DSC1: variants seen among roughly 807,000 people sequenced by gnomAD.
DSC1 encodes the protein desmocollin-1.
Under a neutral mutation model 98.8 loss-of-function variants are expected in DSC1, and 79 were observed. The observed-to-expected ratio is 0.80, with a 90% confidence interval of 0.67 to 0.96. The LOEUF (loss-of-function observed/expected upper bound fraction) is 0.96, where lower values mean the gene tolerates loss of function less well. Among genes scored for constraint, DSC1 ranks in the 50% least tolerant of loss-of-function variants. The pLI, the probability that DSC1 is intolerant of heterozygous loss-of-function variation, is 0.00. For missense variants in DSC1, 1,115 were observed against 1,075.9 expected (o/e 1.04, Z -0.51); for synonymous variants, 405 against 372.1 (o/e 1.09, Z -1.02).
chr18:31,158,059 G>A (rs569469102), intron 2 of DSC1, among the ~76,000 whole-genome samples: 5 of 152,216 alleles, frequency 3.3e-5, no homozygotes, highest in African/African-American at 7.2e-5. Context: ...ACAAGGTCGG[G>A]AGTTCTAGAT....
intron 14 of DSC1, 37 bp downstream of exon 14, chr18:31,132,530 TC>T: frequency 6.2e-7 from 1 of 1,608,304 alleles, no homozygotes; most frequent in Non-Finnish European, 8.5e-7. Context: ...CATCATTTGT[TC>T]ACCGTACAAT....
chr18:31,146,517 T>G (rs1469311868), intron 6 of DSC1, among the ~76,000 whole-genome samples: 2 of 152,238 alleles, frequency 1.3e-5, no homozygotes, highest in Non-Finnish European at 2.9e-5. Flanking sequence ...ATTTCATGTC[T>G]TTGCTATTGT....
chr18:31,145,711 T>G lies in DSC1; in HGVS notation c.839A>C (p.Lys280Thr). ...TGGGATTTGTTGTAAGATTTTATAT[T>G]TCAGACGAGTATGGAGAGTGTCAGG... The part of the protein sequence containing the change: ...DEPDTLHTRL[K>T]YKILQQIPDH... Residue 280 changes from lysine (K) to threonine (T), a missense_variant, in exon 7 of 16, where the codon AAA becomes ACA. Physicochemically the swap from Lys to Thr is moderately conservative, Grantham distance 78. Transcript: ENST00000257198. 1 of 1,614,206 alleles carries G rather than the reference T, an allele frequency of 6.2e-7. No individual in the cohort carries two copies. Among genetic ancestry groups the G allele is most frequent in the African/African-American group, 1.3e-5 (1 of 75,062 alleles).
chr18:31,153,954 A>T (rs1989046453), intron 5 of DSC1, among the ~76,000 whole-genome samples: 8 of 152,164 alleles, frequency 5.3e-5, no homozygotes. Flanking sequence ...GATAAGTTTC[A>T]TTTTTATATT....
intron 9 of DSC1, among the ~76,000 whole-genome samples, chr18:31,140,822 G>A (rs1025869297): frequency 1.3e-5 from 2 of 152,188 alleles, no homozygotes; most frequent in Non-Finnish European, 2.9e-5. Flanking sequence ...TGATATGGTT[G>A]GCTATGTCCC....
intron 1 of DSC1, among the ~76,000 whole-genome samples, chr18:31,160,060 C>T (rs1456655228): frequency 9.2e-5 from 14 of 152,164 alleles, no homozygotes; most frequent in East Asian, 5.8e-4. Context: ...TTGGCCAAAA[C>T]GCCAAAATCT....
chr18:31,130,674 T>C lies in DSC1; in HGVS notation c.2525A>G (p.His842Arg), dbSNP rs201404121. 1.9e-6 allele frequency: 3 copies of C among 1,614,186 alleles called. No homozygotes were observed. Among genetic ancestry groups the C allele is most frequent in the African/African-American group, 2.7e-5 (2 of 75,052 alleles). Reference sequence around the variant, plus strand: ...ATACGAACAAACGTAGTCTTCACAATGTTTATGCTCCTCATCTTGTCCACA... The same window carrying C: ...ATACGAACAAACGTAGTCTTCACAACGTTTATGCTCCTCATCTTGTCCACA... ...YLCGQDEEHK[H>R]CEDYVCSYNY... Residue 842 changes from histidine to arginine, a missense_variant, in exon 16 of 16, where the codon CAT (histidine) becomes CGT (arginine). His to Arg is a conservative substitution (Grantham distance 29). Coordinates refer to ENST00000257198, the MANE Select transcript of DSC1 (RefSeq NM_024421.2).
intron 5 of DSC1, among the ~76,000 whole-genome samples, chr18:31,152,940 G>A (rs918324872): frequency 2.6e-5 from 4 of 151,686 alleles, no homozygotes; most frequent in Non-Finnish European, 5.9e-5. Flanking sequence ...TTACTAATTT[G>A]CAAGTGGTGT....
intron 2 of DSC1, 145 bp downstream of exon 2, chr18:31,159,300 G>A (rs1989165005): frequency 1.1e-5 from 7 of 634,192 alleles, no homozygotes; most frequent in East Asian, 6.9e-5. Context: ...TGATCCACCC[G>A]CCTCGGCCTC....
chr18:31,136,667 A>G (rs1472629805), intron 11 of DSC1, among the ~76,000 whole-genome samples: 1 of 152,184 alleles, frequency 6.6e-6, no homozygotes, highest in South Asian at 2.1e-4. Context: ...CACTAACACC[A>G]ATGATAGCTG....
At chr18:31,139,137 T>G (rs1261639051) in intron 11 of DSC1, among the ~76,000 whole-genome samples, 1 of 152,070 alleles carries the variant, frequency 6.6e-6, no homozygotes, top group Non-Finnish European at 1.5e-5. Flanking sequence ...GATAGAAATT[T>G]GTATGTTCAA....
intron 5 of DSC1, among the ~76,000 whole-genome samples, chr18:31,152,469 C>T (rs765772465): frequency 1.3e-5 from 2 of 152,100 alleles, no homozygotes; most frequent in Non-Finnish European, 2.9e-5. Flanking sequence ...ATGAATATGG[C>T]TTATATAAAA....
Position 31,140,037 on chromosome 18 carries a change from A to T in DSC1, c.1520+5T>A, listed in dbSNP as rs1478664382. Reference sequence around the variant, plus strand: ...AATTAAGGAGCTTTTTGAAAAGTACATCACCTTAAGCCTTCACCACTGGAT... The same window carrying T: ...AATTAAGGAGCTTTTTGAAAAGTACTTCACCTTAAGCCTTCACCACTGGAT... On this transcript the variant is annotated splice_donor_5th_base_variant and intron_variant, in intron 10 of 15. Transcript: ENST00000257198. 3 of 1,606,630 alleles carry T rather than the reference A, an allele frequency of 1.9e-6. No individual in the cohort carries two copies. In the Admixed American group the frequency reaches 5.1e-5, roughly 28 times the overall value.
chr18:31,159,244 G>A (rs1282982524), intron 2 of DSC1, among the ~76,000 whole-genome samples: 9 of 142,898 alleles, frequency 6.3e-5, no homozygotes, highest in Non-Finnish European at 1.1e-4. Flanking sequence ...TAGTAGAGAC[G>A]GGGTTTCACC....
rs1988786078 is a variant in DSC1 at position 31,143,752 on chromosome 18, T to TTTCG, written c.978_979insCGAA (p.Met327ArgfsTer11). On this transcript the variant is annotated frameshift_variant, in exon 8 of 16. Transcript: ENST00000257198. LOFTEE classifies it high-confidence loss of function. ...AATAAACCGAAAGGCTGACCACCCA[T>TTTCG]GTCTCGCACTTCCATTATTAACTGG... is the stretch of plus-strand genomic sequence containing the variant. The TTTCG allele has an allele frequency of 6.2e-7, 1 of 1,602,312 alleles. No homozygotes were observed. The highest frequency in any genetic ancestry group is 1.1e-5 in the South Asian group (1 of 88,790).
intron 7 of DSC1, 66 bp downstream of exon 7, chr18:31,145,545 C>T: frequency 6.4e-7 from 1 of 1,573,562 alleles, no homozygotes; most frequent in South Asian, 1.2e-5. Flanking sequence ...ATTGCAACTT[C>T]TCTCGGGAGT....
At chr18:31,154,488 T>G (rs569527114) in intron 5 of DSC1, among the ~76,000 whole-genome samples, 1 of 152,096 alleles carries the variant, frequency 6.6e-6, no homozygotes, top group Non-Finnish European at 1.5e-5. Flanking sequence ...ATGGATAACT[T>G]TAAATTCAGT....
chr18:31,158,826 A>G (rs1205589657), intron 2 of DSC1, among the ~76,000 whole-genome samples: 1 of 152,160 alleles, frequency 6.6e-6, no homozygotes. Context: ...AAATTTTGGC[A>G]GCAGATTAGT....
In DSC1 at chr18:31,130,520, C is replaced by A; in HGVS notation, c.2679G>T (p.Lys893Asn). Residue 893 changes from lysine (K) to asparagine (N), a missense_variant, in exon 16 of 16, where the codon AAG becomes AAT. Coordinates refer to ENST00000257198, the MANE Select transcript of DSC1 (RefSeq NM_024421.2). ...ACACTATTAAAAGGCACATTTATTT[C>A]TTGATGCATGTCTTTGCTAATGTCC... ...KFRTLAKTCIKK is the reference protein window; with the variant it reads ...KFRTLAKTCINK 4.3e-6 allele frequency: 7 copies of A among 1,614,094 alleles called. No individual in the cohort carries two copies. Among genetic ancestry groups the A allele is most frequent in the Non-Finnish European group, 5.9e-6 (7 of 1,179,980 alleles).
Sources: gnomAD v4.1 joint callset for allele counts (sites outside exome capture counted in the v4.1 genomes callset) on GRCh38, gnomAD v4.1.1 for gene constraint, MANE v1.5 for transcripts, NCBI Gene and HGNC (gene_info 2026-07-23, HGNC 2026-07-21) for gene names.